The following AASS variants were observed in gnomAD, a reference collection of about 807,000 sequenced individuals.
AASS encodes aminoadipate-semialdehyde synthase, also known as alpha-aminoadipic semialdehyde synthase, mitochondrial.
Under a neutral mutation model 105.4 loss-of-function variants are expected in AASS, and 86 were observed. The ratio of observed to expected loss-of-function variants is 0.82; its 90% CI spans 0.69 to 0.98. AASS has a LOEUF of 0.98. AASS is among the 50% of genes least tolerant of loss of function. The pLI, the probability that AASS is intolerant of heterozygous loss-of-function variation, is 0.00. For missense variants in AASS, 1,048 were observed against 1,143.2 expected, an observed-to-expected ratio of 0.92 and a Z score of 1.20; for synonymous variants, 381 against 394.8, an observed-to-expected ratio of 0.96 and a Z score of 0.41.
chr7:122,082,492 C>T (rs1793395230), intron 19 of AASS, among the ~76,000 whole-genome samples: 1 of 152,138 alleles, frequency 6.6e-6, no homozygotes, highest in Admixed American at 6.6e-5. Flanking sequence ...TTTGTATATA[C>T]CTTTATCATG....
chr7:122,096,793 T>G (rs1037516729), intron 15 of AASS, among the ~76,000 whole-genome samples: 1 of 152,246 alleles, frequency 6.6e-6, no homozygotes, highest in African/African-American at 2.4e-5. Context: ...ATTTTAAAAT[T>G]TGGACATATT....
chr7:122,099,558 A>T (rs1299966953), intron 13 of AASS, among the ~76,000 whole-genome samples: 1 of 151,820 alleles, frequency 6.6e-6, no homozygotes, highest in African/African-American at 2.4e-5. Flanking sequence ...AGCATCTAAG[A>T]CTTACCCATC....
chr7:122,130,822 T>C (rs950865792), intron 2 of AASS, among the ~76,000 whole-genome samples: 3 of 151,932 alleles, frequency 2.0e-5, no homozygotes, highest in Non-Finnish European at 4.4e-5. Flanking sequence ...GATTGGTAAA[T>C]AAACCATGGT....
At chr7:122,078,235 C>T (rs1375639516) in intron 22 of AASS, among the ~76,000 whole-genome samples, 2 of 152,076 alleles carry the variant, frequency 1.3e-5, no homozygotes, top group Non-Finnish European at 2.9e-5. Flanking sequence ...TCACCATATC[C>T]TGTTTACAGA....
At chr7:122,144,029 G>A (rs911364185) in intron 1 of AASS, 132 bp downstream of exon 1, 2 of 152,080 alleles carry the variant, frequency 1.3e-5, no homozygotes, top group Non-Finnish European at 2.9e-5. Context: ...GCGGCGCCGG[G>A]ACCCGAAGGC....
At position 122,076,601 on chromosome 7, in the gene AASS, A is replaced by G. The variant is rs775186542; in HGVS notation, c.2669T>C (p.Ile890Thr). 29 of 1,603,058 alleles carry G rather than the reference A, an allele frequency of 1.8e-5. No homozygotes were observed. The highest frequency in any genetic ancestry group is 3.3e-4 in the Middle Eastern group (2 of 6,070). ...MAAKMLLDGEIGAKGLMGPFS... is the reference protein window; with the variant it reads ...MAAKMLLDGETGAKGLMGPFS... Reference sequence around the variant, plus strand: ...GGGCCCCATTAGGCCTTTGGCTCCAATTTCACCTGGAAGAAAATAAATGTG... The same window carrying G: ...GGGCCCCATTAGGCCTTTGGCTCCAGTTTCACCTGGAAGAAAATAAATGTG... Residue 890 changes from isoleucine (I) to threonine (T), a missense_variant, in exon 24 of 24, where the codon ATT (isoleucine) becomes ACT (threonine). Coordinates refer to ENST00000417368, the MANE Select transcript of AASS (RefSeq NM_005763.4).
chr7:122,087,461 C>A (rs1476677336), intron 18 of AASS, among the ~76,000 whole-genome samples: 1 of 152,074 alleles, frequency 6.6e-6, no homozygotes, highest in Non-Finnish European at 1.5e-5. Flanking sequence ...TCTTGTGAAC[C>A]CTACTAGACT....
chr7:122,076,612 A>C lies in AASS; in HGVS notation c.2663-5T>G, dbSNP rs763660910. On this transcript the variant is annotated splice_polypyrimidine_tract_variant and splice_region_variant and intron_variant, in intron 23 of 23. Coordinates refer to ENST00000417368, the MANE Select transcript of AASS (RefSeq NM_005763.4). ...GGCCTTTGGCTCCAATTTCACCTGG[A>C]AGAAAATAAATGTGTAATTACCATT... 3 of 1,574,016 alleles carry C rather than the reference A, an allele frequency of 1.9e-6. No homozygotes were observed. The highest frequency in any genetic ancestry group is 2.6e-6 in the Non-Finnish European group (3 of 1,143,584).
intron 17 of AASS, among the ~76,000 whole-genome samples, chr7:122,092,139 CA>C (rs1251302165): frequency 4.0e-4 from 61 of 151,416 alleles, no homozygotes; most frequent in African/African-American, 1.4e-3. Context: ...CTTTTGTATT[CA>C]AATTATATAT....
Position 122,098,595 on chromosome 7 carries a change from G to A in AASS, c.1529-19C>T. The A allele has an allele frequency of 6.2e-7, 1 of 1,604,584 alleles. No homozygotes were observed. Among genetic ancestry groups the A allele is most frequent in the Non-Finnish European group, 8.5e-7 (1 of 1,173,626 alleles). On this transcript the variant is annotated intron_variant, in intron 14 of 23. Transcript: ENST00000417368. ...TCAGATCCTATTTCAGTAATTAAAA[G>A]TCACATTTTTAGATATGTCAGAGTA...
At chr7:122,078,534 C>A (rs1049616811) in intron 22 of AASS, among the ~76,000 whole-genome samples, 1 of 123,544 alleles carries the variant, frequency 8.1e-6, no homozygotes, top group Non-Finnish European at 1.8e-5. Flanking sequence ...ATCTCTTGAA[C>A]CTGGGAGGCA....
intron 4 of AASS, among the ~76,000 whole-genome samples, chr7:122,120,153 T>G (rs1363141138): frequency 6.6e-6 from 1 of 152,210 alleles, no homozygotes; most frequent in Non-Finnish European, 1.5e-5. Context: ...TGCTCATCAT[T>G]TGGGTTGTTT....
In AASS at chr7:122,118,297, T is replaced by G. The variant is rs748074899; in HGVS notation, c.687+10A>C. 6.2e-7 allele frequency: 1 copy of G among 1,613,790 alleles called. No homozygotes were observed. Among genetic ancestry groups the G allele is most frequent in the South Asian group, 1.1e-5 (1 of 91,076 alleles). Reference sequence around the variant, plus strand: ...GATTGTTTTACAAAAGGAAGTCAGGTAAAAGTTACCTTAGAAACATTACCA... The same window carrying G: ...GATTGTTTTACAAAAGGAAGTCAGGGAAAAGTTACCTTAGAAACATTACCA... On this transcript the variant is annotated intron_variant, in intron 6 of 23. Coordinates refer to ENST00000417368, the MANE Select transcript of AASS (RefSeq NM_005763.4).
chr7:122,133,169 T>G (rs1374338758), intron 2 of AASS, among the ~76,000 whole-genome samples: 1 of 152,086 alleles, frequency 6.6e-6, no homozygotes, highest in Non-Finnish European at 1.5e-5. Flanking sequence ...TATACCATAA[T>G]ATTATTTTGA....
In AASS at chr7:122,074,073, T is replaced by C. The variant is rs894107433; in HGVS notation, c.*2416A>G. 3.3e-5 allele frequency among the ~76,000 whole-genome samples: 5 copies of C among 152,124 alleles called. No individual in the cohort carries two copies. Among genetic ancestry groups the C allele is most frequent in the African/African-American group, 1.2e-4 (5 of 41,352 alleles). On this transcript the variant is annotated 3_prime_UTR_variant, in exon 24 of 24. Coordinates refer to ENST00000417368, the MANE Select transcript of AASS (RefSeq NM_005763.4). ...CAAGTTTTTGTGTAGACATTTGTTTTTATATCACGTGGGTATCCACCAACA... is the reference window on the plus strand; with the variant it reads ...CAAGTTTTTGTGTAGACATTTGTTTCTATATCACGTGGGTATCCACCAACA...
chr7:122,118,272 G>T, intron 6 of AASS, 35 bp downstream of exon 6: 1 of 1,611,864 alleles, frequency 6.2e-7, no homozygotes, highest in Non-Finnish European at 8.5e-7. Context: ...CAAAGTTTTG[G>T]ATTGTTTTAC....
At chr7:122,106,736 A>G (rs1028596122) in intron 11 of AASS, among the ~76,000 whole-genome samples, 2 of 152,140 alleles carry the variant, frequency 1.3e-5, no homozygotes, top group Non-Finnish European at 2.9e-5. Flanking sequence ...ACTTCCTTAC[A>G]GCATATAAAA....
At chr7:122,120,982 T>G (rs1299033404) in intron 4 of AASS, among the ~76,000 whole-genome samples, 1 of 152,084 alleles carries the variant, frequency 6.6e-6, no homozygotes, top group Non-Finnish European at 1.5e-5. Context: ...TATCTGGGAG[T>G]TTTTAGGCCA....
At chr7:122,077,808 C>G in intron 23 of AASS, 30 bp downstream of exon 23, 3 of 1,614,038 alleles carry the variant, frequency 1.9e-6, no homozygotes, top group Non-Finnish European at 2.5e-6. Flanking sequence ...GAAACAGAAA[C>G]AGGCTTACAC....
Sources: allele counts gnomAD v4.1 joint callset (sites outside exome capture counted in the v4.1 genomes callset), GRCh38; gene constraint gnomAD v4.1.1; transcripts MANE v1.5; gene names NCBI Gene and HGNC (gene_info 2026-07-23, HGNC 2026-07-21).